The following ACOXL variants were observed in gnomAD, a reference collection of about 807,000 sequenced individuals.
ACOXL encodes acyl-coenzyme A oxidase-like protein.
Under a neutral mutation model 71.9 loss-of-function variants are expected in ACOXL, and 70 were observed. The observed-to-expected ratio is 0.97, with a 90% CI of 0.80 to 1.19. The LOEUF (loss-of-function observed/expected upper bound fraction) is 1.19, where lower values mean the gene tolerates loss of function less well. ACOXL is among the 50% of genes most tolerant of loss of function. The pLI is 0.00. For missense variants in ACOXL, 703 were observed against 736.3 expected, an observed-to-expected ratio of 0.95 and a Z score of 0.52; for synonymous variants, 253 against 281.6, an observed-to-expected ratio of 0.90 and a Z score of 1.02.
intron 10 of ACOXL, among the ~76,000 whole-genome samples, chr2:110,853,298 G>C (rs1692839666): frequency 6.6e-6 from 1 of 152,162 alleles, no homozygotes; most frequent in Admixed American, 6.5e-5. Context: ...TGGTTCGGCT[G>C]CTCACAACAA....
chr2:110,845,524 C>T (rs1040355176), intron 10 of ACOXL, among the ~76,000 whole-genome samples: 1 of 152,188 alleles, frequency 6.6e-6, no homozygotes, highest in Non-Finnish European at 1.5e-5. Flanking sequence ...CACCACTGTC[C>T]ATCTCCAGAG....
chr2:111,033,999 C>T (rs529788692), intron 15 of ACOXL, among the ~76,000 whole-genome samples: 1 of 152,308 alleles, frequency 6.6e-6, no homozygotes. Flanking sequence ...ACAGTTGAGC[C>T]TTGGGCTGCA....
chr2:110,789,597 C>G (rs1684406520), intron 3 of ACOXL, among the ~76,000 whole-genome samples: 1 of 152,148 alleles, frequency 6.6e-6, no homozygotes, highest in Admixed American at 6.5e-5. Context: ...TCTTCCTCTT[C>G]TTTAAAGGCA....
intron 3 of ACOXL, among the ~76,000 whole-genome samples, chr2:110,787,533 CAAAAAAA>C (rs1175271772): frequency 3.7e-5 from 2 of 53,638 alleles, no homozygotes; most frequent in Non-Finnish European, 7.6e-5. Context: ...GACTCCGTCT[CAAAAAAA>C]AAAAAAAAAA....
intron 10 of ACOXL, among the ~76,000 whole-genome samples, chr2:110,885,909 T>C (rs1296611117): frequency 2.0e-5 from 3 of 152,226 alleles, no homozygotes; most frequent in African/African-American, 7.2e-5. Context: ...TACAGAAATA[T>C]GTATGTTATT....
At chr2:110,985,066 C>CA (rs1410710200) in intron 12 of ACOXL, among the ~76,000 whole-genome samples, 4 of 152,182 alleles carry the variant, frequency 2.6e-5, no homozygotes, top group Non-Finnish European at 5.9e-5. Flanking sequence ...GCTTCTGCAG[C>CA]AAGAGTGAGA....
intron 16 of ACOXL, among the ~76,000 whole-genome samples, chr2:111,071,471 C>G (rs1435504676): frequency 6.6e-6 from 1 of 152,158 alleles, no homozygotes; most frequent in Admixed American, 6.5e-5. Flanking sequence ...TTGCATTTTG[C>G]TAATGCTAAC....
chr2:111,098,453 A>G (rs1297616103), intron 17 of ACOXL: 4 of 152,226 alleles, frequency 2.6e-5, no homozygotes, highest in Non-Finnish European at 4.4e-5. Flanking sequence ...ATACCTGCCT[A>G]GTACCCATTA....
intron 16 of ACOXL, among the ~76,000 whole-genome samples, chr2:111,067,254 A>G (rs961234151): frequency 6.6e-6 from 1 of 152,198 alleles, no homozygotes; most frequent in Non-Finnish European, 1.5e-5. Context: ...CTCATATTTG[A>G]TCAAAGCAAA....
intron 11 of ACOXL, among the ~76,000 whole-genome samples, chr2:110,927,619 T>G (rs1244939315): frequency 6.6e-6 from 1 of 152,214 alleles, no homozygotes; most frequent in Admixed American, 6.5e-5. Context: ...CCATATAAGC[T>G]TCCTGGAGTA....
chr2:110,883,027 T>C (rs1696847520), intron 10 of ACOXL, among the ~76,000 whole-genome samples: 1 of 151,922 alleles, frequency 6.6e-6, no homozygotes, highest in African/African-American at 2.4e-5. Context: ...AACAACTTTG[T>C]GCCAGTTTCC....
intron 10 of ACOXL, among the ~76,000 whole-genome samples, chr2:110,890,069 C>A (rs905243732): frequency 9.2e-5 from 14 of 152,110 alleles, no homozygotes; most frequent in African/African-American, 3.4e-4. Flanking sequence ...TATTGAACAT[C>A]TTTTTATGTG....
intron 1 of ACOXL, among the ~76,000 whole-genome samples, chr2:110,740,962 G>C (rs761344710): frequency 6.6e-5 from 10 of 152,244 alleles, no homozygotes; most frequent in Non-Finnish European, 1.5e-4. Context: ...AATACAAGCT[G>C]TTCATGTTGG....
At chr2:111,079,353 A>C (rs1031716031) in intron 16 of ACOXL, among the ~76,000 whole-genome samples, 3 of 152,068 alleles carry the variant, frequency 2.0e-5, no homozygotes, top group African/African-American at 7.2e-5. Context: ...AGAACATGTA[A>C]TATTTGTCTT....
Position 111,071,166 on chromosome 2 carries a change from T to C in ACOXL, c.1441-21699T>C, listed in dbSNP as rs556674569. ...TATTGAGCAGGTTGGATTTTAAAAA[T>C]TGGGAAACATCTCCAAGCAGTTTGG... On this transcript the variant is annotated intron_variant, in intron 16 of 17. Transcript: ENST00000439055. Among the ~76,000 whole-genome samples, 122 of 152,216 alleles carry C rather than the reference T, an allele frequency of 8.0e-4. 1 individual carries two copies. The highest frequency in any genetic ancestry group is 2.8e-3 in the African/African-American group (115 of 41,524).
intron 17 of ACOXL, among the ~76,000 whole-genome samples, chr2:111,110,935 A>G (rs563080211): frequency 6.6e-6 from 1 of 152,318 alleles, no homozygotes; most frequent in Non-Finnish European, 1.5e-5. Flanking sequence ...ATTTCTCCAT[A>G]ATAACTTTGG....
At chr2:111,018,163 C>G (rs2064552350) in intron 14 of ACOXL, 1 of 152,204 alleles carries the variant, frequency 6.6e-6, no homozygotes, top group South Asian at 2.1e-4. Context: ...GATGACAGTT[C>G]CTGTCCCCGA....
At chr2:110,882,925 A>G (rs1254820483) in intron 10 of ACOXL, among the ~76,000 whole-genome samples, 1 of 152,180 alleles carries the variant, frequency 6.6e-6, no homozygotes, top group Non-Finnish European at 1.5e-5. Context: ...CATGTATTTC[A>G]AAGATTGTTT....
chr2:111,056,485 C>CA (rs1214467219), intron 16 of ACOXL, among the ~76,000 whole-genome samples: 4 of 151,758 alleles, frequency 2.6e-5, no homozygotes, highest in Non-Finnish European at 5.9e-5. Flanking sequence ...CTTTTTAACT[C>CA]AAAAAAATAT....
Sources: gnomAD v4.1 joint callset for allele counts (sites outside exome capture counted in the v4.1 genomes callset) on GRCh38, gnomAD v4.1.1 for gene constraint, MANE v1.5 for transcripts, NCBI Gene and HGNC (gene_info 2026-07-23, HGNC 2026-07-21) for gene names.